The following TMCC3 variants were observed in gnomAD, a reference collection of about 807,000 sequenced individuals.
TMCC3 encodes the protein transmembrane and coiled-coil domain protein 3.
A neutral mutation model predicts 40.2 loss-of-function variants in TMCC3; 28 were observed. The ratio of observed to expected loss-of-function variants is 0.70; its 90% CI spans 0.52 to 0.95. The LOEUF is 0.95. TMCC3 is among the 40% of genes least tolerant of loss of function. The pLI is 0.00. For missense variants in TMCC3, 554 were observed against 615.2 expected, an observed-to-expected ratio of 0.90 and a Z score of 1.05; for synonymous variants, 255 against 248.5, an observed-to-expected ratio of 1.03 and a Z score of -0.25.
chr12:94,624,421 A>T (rs751541139), intron 1 of TMCC3, among the ~76,000 whole-genome samples: 38 of 152,208 alleles, frequency 2.5e-4, no homozygotes, highest in Non-Finnish European at 5.0e-4. Context: ...ATGAAATATT[A>T]TTCAGCCATG....
Position 94,578,409 on chromosome 12 carries a change from G to A in TMCC3, c.1116C>T (p.Arg372=). The A allele has an allele frequency of 6.2e-7, 1 of 1,613,962 alleles. No individual in the cohort carries two copies. Among genetic ancestry groups the A allele is most frequent in the African/African-American group, 1.3e-5 (1 of 75,022 alleles). Residue 372 remains arginine, a synonymous_variant, in exon 3 of 4, where the codon CGC becomes CGT. Coordinates refer to ENST00000261226, the MANE Select transcript of TMCC3 (RefSeq NM_020698.4). The part of the protein sequence containing the change: ...EEKVAYQAYE[R]SRDIQEALES... ...GGAAAGGTACCTGGATGTCCCGCGAGCGCTCGTAGGCCTGGTAGGCCACCT... is the reference window on the plus strand; with the variant it reads ...GGAAAGGTACCTGGATGTCCCGCGAACGCTCGTAGGCCTGGTAGGCCACCT...
chr12:94,573,506 G>C (rs1307238484), intron 3 of TMCC3, among the ~76,000 whole-genome samples: 1 of 152,126 alleles, frequency 6.6e-6, no homozygotes, highest in African/African-American at 2.4e-5. Context: ...GCCAGGTTCA[G>C]CTCCCTCTCC....
chr12:94,606,164 T>C (rs2068781546), intron 1 of TMCC3, among the ~76,000 whole-genome samples: 1 of 152,158 alleles, frequency 6.6e-6, no homozygotes, highest in Non-Finnish European at 1.5e-5. Context: ...CCTTTAACAA[T>C]GCAACAAGAC....
At chr12:94,599,382 C>T (rs952308240) in intron 1 of TMCC3, among the ~76,000 whole-genome samples, 4 of 152,096 alleles carry the variant, frequency 2.6e-5, no homozygotes, top group Admixed American at 1.3e-4. Context: ...TCATTGTCCC[C>T]GCCGCCCCCA....
chr12:94,598,555 C>T, intron 1 of TMCC3: 2 of 984,182 alleles, frequency 2.0e-6, no homozygotes, highest in Non-Finnish European at 2.4e-6. Context: ...CCCAAGATAC[C>T]TTGCATAATA....
intron 1 of TMCC3, among the ~76,000 whole-genome samples, chr12:94,629,181 G>A (rs1304380000): frequency 6.6e-6 from 1 of 152,148 alleles, no homozygotes; most frequent in Admixed American, 6.5e-5. Flanking sequence ...AATCACAGGT[G>A]AACCGAAGCC....
intron 1 of TMCC3, among the ~76,000 whole-genome samples, chr12:94,592,661 C>CAA (rs869058316): frequency 0.066 from 1,796 of 27,410 alleles, 249 homozygotes; most frequent in African/African-American, 0.17. Flanking sequence ...GGCTCCATCT[C>CAA]AAAAAAAAAA....
chr12:94,640,254 C>T lies in TMCC3; in HGVS notation c.78+10099G>A, dbSNP rs144959400. Among the ~76,000 whole-genome samples, 369 of 152,072 alleles carry T rather than the reference C, an allele frequency of 2.4e-3. 3 individuals are homozygous for T. Among genetic ancestry groups the T allele is most frequent in the Admixed American group, 0.018 (273 of 15,296 alleles). On this transcript the variant is annotated intron_variant, in intron 1 of 3. Coordinates refer to ENST00000261226, the MANE Select transcript of TMCC3 (RefSeq NM_020698.4). ...GCAATCAAGGCTCACTGCAGCCTCA[C>T]CCCTCCCACCTCACCCCTCCCAGGG...
intron 1 of TMCC3, among the ~76,000 whole-genome samples, chr12:94,622,344 A>G (rs2068880225): frequency 6.6e-6 from 1 of 152,154 alleles, no homozygotes; most frequent in South Asian, 2.1e-4. Context: ...ATCTCACAAC[A>G]TACAGCTATA....
chr12:94,617,061 G>A (rs2068851846), intron 1 of TMCC3, among the ~76,000 whole-genome samples: 1 of 152,172 alleles, frequency 6.6e-6, no homozygotes, highest in African/African-American at 2.4e-5. Flanking sequence ...TGGAATGAGA[G>A]GACTTGCCAC....
At chr12:94,612,538 T>A (rs2068822778) in intron 1 of TMCC3, among the ~76,000 whole-genome samples, 1 of 152,060 alleles carries the variant, frequency 6.6e-6, no homozygotes, top group Non-Finnish European at 1.5e-5. Context: ...TCACGATCTC[T>A]TGACCTTGTG....
Position 94,650,403 on chromosome 12 carries a change from C to T in TMCC3, c.28G>A (p.Val10Met), listed in dbSNP as rs1303417409. The T allele has an allele frequency of 7.6e-7, 1 of 1,323,914 alleles. No individual in the cohort carries two copies. The highest frequency in any genetic ancestry group is 9.7e-7 in the Non-Finnish European group (1 of 1,029,524). The allele number at this position is 1,323,914 out of a possible 1,614,324, so 82.0% of individuals were successfully genotyped here. A position where few individuals can be genotyped will look rare whatever the true frequency, so the allele number is the denominator to read the frequency against. Residue 10 changes from valine (V) to methionine (M), a missense_variant, in exon 1 of 4, where the codon GTG (valine) becomes ATG (methionine). By Grantham distance (21) the Val-to-Met change is conservative. Transcript: ENST00000261226. MPGSDTALT[V>M]DRTYSYPGRH... ...CCGGGGTACGAGTAGGTCCGGTCCA[C>T]GGTGAGCGCCGTGTCGCTGCCCGGC...
intron 1 of TMCC3, among the ~76,000 whole-genome samples, chr12:94,619,889 C>T (rs373721238): frequency 4.9e-4 from 74 of 152,262 alleles, no homozygotes; most frequent in African/African-American, 1.6e-3. Flanking sequence ...TGCAGCCAGG[C>T]GCAGTAGCTC....
chr12:94,621,793 A>C (rs1279619108), intron 1 of TMCC3, among the ~76,000 whole-genome samples: 1 of 152,174 alleles, frequency 6.6e-6, no homozygotes, highest in African/African-American at 2.4e-5. Context: ...ATGTGTAATC[A>C]TGAGAGCCCC....
chr12:94,650,261 G>A, intron 1 of TMCC3, 92 bp downstream of exon 1: 1 of 805,510 alleles, frequency 1.2e-6, no homozygotes, highest in Non-Finnish European at 1.6e-6. Context: ...GCGAAACGCC[G>A]GGGGCGCGTG....
chr12:94,585,784 T>C (rs4019548), intron 1 of TMCC3, among the ~76,000 whole-genome samples: 83,914 of 151,788 alleles, frequency 0.55, 23,270 homozygotes, highest in Non-Finnish European at 0.57. Flanking sequence ...TTCTGTGACA[T>C]GCCTGTTGCT....
At chr12:94,578,157 AAAAAAAAAAAAG>A (rs1287904840) in intron 3 of TMCC3, among the ~76,000 whole-genome samples, 3 of 149,572 alleles carry the variant, frequency 2.0e-5, no homozygotes, top group Non-Finnish European at 4.4e-5. Context: ...AAAAAAAAAA[AAAAAAAAAAAAG>A]AAAAAGAAAA....
intron 1 of TMCC3, among the ~76,000 whole-genome samples, chr12:94,583,498 ACT>A (rs937022195): frequency 2.4e-4 from 36 of 152,214 alleles, no homozygotes; most frequent in African/African-American, 8.4e-4. Context: ...ACAGAGTGAG[ACT>A]CTGTCTCAAA....
chr12:94,639,624 G>T (rs924390554), intron 1 of TMCC3, among the ~76,000 whole-genome samples: 1 of 145,544 alleles, frequency 6.9e-6, no homozygotes, highest in Non-Finnish European at 1.5e-5. Flanking sequence ...ACCTCATTTG[G>T]TATACAAGGA....
Sources: allele counts gnomAD v4.1 joint callset (sites outside exome capture counted in the v4.1 genomes callset), GRCh38; gene constraint gnomAD v4.1.1; transcripts MANE v1.5; gene names NCBI Gene and HGNC (gene_info 2026-07-23, HGNC 2026-07-21).